Variants in CDKAL1 observed in about 807,000 individuals in gnomAD.
CDKAL1 encodes CDKAL1 threonylcarbamoyladenosine tRNA methylthiotransferase.
CDKAL1 carries 32 observed loss-of-function variants against 68.2 expected under a neutral mutation model. The ratio of observed to expected loss-of-function variants is 0.47; its 90% CI spans 0.35 to 0.63. The LOEUF (loss-of-function observed/expected upper bound fraction) is 0.63, where lower values mean the gene tolerates loss of function less well. Among genes scored for constraint, CDKAL1 ranks in the 30% least tolerant of loss-of-function variants. The pLI, the probability that CDKAL1 is intolerant of heterozygous loss-of-function variation, is 0.00. For synonymous variants in CDKAL1, 234 were observed against 244.3 expected, an observed-to-expected ratio of 0.96 and a Z score of 0.39; for missense variants, 606 against 696.7, an observed-to-expected ratio of 0.87 and a Z score of 1.47.
chr6:20,735,125 C>T (rs989825304), intron 5 of CDKAL1, among the ~76,000 whole-genome samples: 1 of 152,192 alleles, frequency 6.6e-6, no homozygotes, highest in Non-Finnish European at 1.5e-5. Flanking sequence ...CCGCCTTGGC[C>T]TCCCAAAGTG....
intron 4 of CDKAL1, among the ~76,000 whole-genome samples, chr6:20,606,962 T>A (rs1766360396): frequency 6.6e-6 from 1 of 152,240 alleles, no homozygotes; most frequent in Non-Finnish European, 1.5e-5. Context: ...GTATGTGGTG[T>A]TAATCTCATT....
At chr6:21,145,572 G>A (rs1776124902) in intron 13 of CDKAL1, among the ~76,000 whole-genome samples, 1 of 152,136 alleles carries the variant, frequency 6.6e-6, no homozygotes, top group African/African-American at 2.4e-5. Context: ...AACAAAGAAT[G>A]GTAAATCAGA....
intron 13 of CDKAL1, among the ~76,000 whole-genome samples, chr6:21,153,444 T>C (rs1204708548): frequency 6.6e-6 from 1 of 152,144 alleles, no homozygotes; most frequent in Non-Finnish European, 1.5e-5. Context: ...TAATCATCAA[T>C]AGTAATATTT....
At chr6:21,017,382 G>C (rs1161858930) in intron 11 of CDKAL1, among the ~76,000 whole-genome samples, 1 of 152,218 alleles carries the variant, frequency 6.6e-6, no homozygotes, top group Admixed American at 6.5e-5. Context: ...AGCAAAGGCT[G>C]TGCTGGCTTG....
At chr6:20,806,376 A>G (rs1247188843) in intron 8 of CDKAL1, among the ~76,000 whole-genome samples, 4 of 152,176 alleles carry the variant, frequency 2.6e-5, no homozygotes, top group Non-Finnish European at 5.9e-5. Context: ...TGTTCAGTGT[A>G]CCGTTGGTGG....
At chr6:20,563,434 A>G (rs1181026911) in intron 4 of CDKAL1, among the ~76,000 whole-genome samples, 1 of 152,202 alleles carries the variant, frequency 6.6e-6, no homozygotes, top group Non-Finnish European at 1.5e-5. Context: ...TATCATTTCC[A>G]TTTGTAACGG....
chr6:21,148,607 A>G (rs1157132256), intron 13 of CDKAL1, among the ~76,000 whole-genome samples: 1 of 151,840 alleles, frequency 6.6e-6, no homozygotes. Context: ...TTAATTACAG[A>G]TTTTTCTGGA....
chr6:21,137,943 T>C (rs1187570994), intron 13 of CDKAL1, among the ~76,000 whole-genome samples: 2 of 152,246 alleles, frequency 1.3e-5, no homozygotes, highest in African/African-American at 4.8e-5. Flanking sequence ...CGCATATGCC[T>C]TGTGCTCAAA....
chr6:20,591,566 G>A (rs1030333804), intron 4 of CDKAL1, among the ~76,000 whole-genome samples: 11 of 151,848 alleles, frequency 7.2e-5, no homozygotes, highest in Admixed American at 2.0e-4. Context: ...TCTGTTAGGG[G>A]TCCAGTTTCA....
At chr6:20,671,482 T>C (rs73732733) in intron 5 of CDKAL1, among the ~76,000 whole-genome samples, 14,083 of 152,216 alleles carry the variant, frequency 0.093, 2,098 homozygotes, top group African/African-American at 0.31. Context: ...TATGAATCTT[T>C]TTCAAGTTCT....
At chr6:21,059,664 G>C (rs767754073) in intron 11 of CDKAL1, among the ~76,000 whole-genome samples, 43 of 151,944 alleles carry the variant, frequency 2.8e-4, no homozygotes, top group Admixed American at 6.6e-4. Flanking sequence ...GGATACCTCA[G>C]CTGAAGGTGC....
chr6:20,871,443 T>C (rs1448762887), intron 9 of CDKAL1, among the ~76,000 whole-genome samples: 2 of 152,324 alleles, frequency 1.3e-5, no homozygotes, highest in African/African-American at 2.4e-5. Flanking sequence ...AATTGGTAAA[T>C]TTTGGCAAGA....
In CDKAL1 at chr6:20,950,908, T is replaced by A. The variant is rs1004618210; in HGVS notation, c.743-4511T>A. On this transcript the variant is annotated intron_variant, in intron 9 of 15. Transcript: ENST00000274695. ...TCACTTGAACCTCGGAGGCGGAGGT[T>A]ACAGTGAGCCGAGATCGTGCCATTG... is the stretch of plus-strand genomic sequence containing the variant. Among the ~76,000 whole-genome samples the A allele has an allele frequency of 3.3e-5, 5 of 150,518 alleles. No individual in the cohort carries two copies. In the East Asian group the frequency reaches 9.8e-4, roughly 29 times the overall value.
chr6:20,971,136 C>T (rs1765578582), intron 10 of CDKAL1, among the ~76,000 whole-genome samples: 3 of 152,218 alleles, frequency 2.0e-5, no homozygotes, highest in Admixed American at 2.0e-4. Context: ...CATGAGCCCA[C>T]CATGCACGGC....
chr6:20,614,465 A>G (rs368854505), intron 4 of CDKAL1, among the ~76,000 whole-genome samples: 16 of 152,236 alleles, frequency 1.1e-4, no homozygotes, highest in African/African-American at 2.6e-4. Context: ...TTATTAATTT[A>G]TCTTTTCTCC....
At chr6:20,897,372 C>T (rs1401557583) in intron 9 of CDKAL1, among the ~76,000 whole-genome samples, 3 of 152,052 alleles carry the variant, frequency 2.0e-5, no homozygotes, top group South Asian at 4.2e-4. Context: ...GATGCAGGCT[C>T]AGATGAAGAA....
At chr6:20,553,615 C>T (rs1033215838) in intron 4 of CDKAL1, among the ~76,000 whole-genome samples, 3 of 152,176 alleles carry the variant, frequency 2.0e-5, no homozygotes, top group African/African-American at 7.2e-5. Context: ...AAAAAGGTGG[C>T]TCATAACTTT....
intron 8 of CDKAL1, among the ~76,000 whole-genome samples, chr6:20,806,545 G>A (rs945185052): frequency 1.3e-5 from 2 of 152,074 alleles, no homozygotes; most frequent in African/African-American, 2.4e-5. Flanking sequence ...TTGAGAAATC[G>A]CCAAACTGCT....
chr6:20,819,231 TG>T (rs750858083), intron 8 of CDKAL1, among the ~76,000 whole-genome samples: 2 of 150,520 alleles, frequency 1.3e-5, no homozygotes, highest in Admixed American at 6.7e-5. Context: ...ATTTTTTTTT[TG>T]ACCTACATTA....
Sources: allele counts gnomAD v4.1 joint callset (sites outside exome capture counted in the v4.1 genomes callset), GRCh38; gene constraint gnomAD v4.1.1; transcripts MANE v1.5; gene names NCBI Gene and HGNC (gene_info 2026-07-23, HGNC 2026-07-21).